The following GPD2 variants were observed in gnomAD, a reference collection of about 807,000 sequenced individuals.
GPD2 encodes glycerol-3-phosphate dehydrogenase, mitochondrial.
GPD2 carries 54 observed loss-of-function variants against 82.4 expected under a neutral mutation model. The observed-to-expected ratio is 0.66, with a 90% CI of 0.53 to 0.82. The LOEUF is 0.82. GPD2 is among the 40% of genes least tolerant of loss of function. The pLI, the probability that GPD2 is intolerant of heterozygous loss-of-function variation, is 0.00. For missense variants in GPD2, 748 were observed against 896.2 expected, an observed-to-expected ratio of 0.83 and a Z score of 2.11; for synonymous variants, 288 against 306.1, an observed-to-expected ratio of 0.94 and a Z score of 0.62.
chr2:156,473,985 T>C (rs1246252527), intron 1 of GPD2, among the ~76,000 whole-genome samples: 2 of 152,110 alleles, frequency 1.3e-5, no homozygotes, highest in African/African-American at 2.4e-5. Context: ...AGAAGAGACC[T>C]CCAGCAGCAG....
intron 6 of GPD2, among the ~76,000 whole-genome samples, chr2:156,527,758 G>T (rs955850974): frequency 3.3e-5 from 5 of 152,188 alleles, no homozygotes; most frequent in African/African-American, 1.2e-4. Flanking sequence ...TGATTAACAT[G>T]TAACTGATTT....
intron 9 of GPD2, among the ~76,000 whole-genome samples, chr2:156,563,468 G>A (rs906198582): frequency 6.6e-6 from 1 of 152,110 alleles, no homozygotes; most frequent in Non-Finnish European, 1.5e-5. Flanking sequence ...GTGGGTGATG[G>A]TCATTTATTA....
intron 13 of GPD2, among the ~76,000 whole-genome samples, chr2:156,576,549 T>C (rs7589387): frequency 0.13 from 20,026 of 151,808 alleles, 1,391 homozygotes; most frequent in African/African-American, 0.16. Context: ...TTCAAGGAGG[T>C]AGATTTAATC....
At chr2:156,503,885 C>G (rs1252200998) in intron 3 of GPD2, among the ~76,000 whole-genome samples, 2 of 152,040 alleles carry the variant, frequency 1.3e-5, no homozygotes, top group Non-Finnish European at 2.9e-5. Context: ...TATTCTTCCT[C>G]TCTTTGAACA....
chr2:156,545,677 A>G (rs1416415690), intron 6 of GPD2, among the ~76,000 whole-genome samples: 1 of 152,260 alleles, frequency 6.6e-6, no homozygotes, highest in Non-Finnish European at 1.5e-5. Flanking sequence ...ACTGACATAA[A>G]TAAGAGTTTT....
chr2:156,492,093 A>G (rs554294977), intron 2 of GPD2, among the ~76,000 whole-genome samples: 9 of 150,132 alleles, frequency 6.0e-5, no homozygotes, highest in Admixed American at 1.3e-4. Context: ...TAAGCAGTGT[A>G]AGAGAGTTTC....
rs1051916 is a variant in GPD2, at chr2:156,570,184, G to A, written c.1574G>A (p.Arg525His). ...AAAAGGTGGCCTATTGTTGGAGTAC[G>A]TCTTGTGTCAGAATTTCCATATATT... ...TGKRWPIVGV[R>H]LVSEFPYIEA... Residue 525 changes from arginine (R) to histidine (H), a missense_variant, in exon 12 of 17, where the codon CGT becomes CAT. Arg to His is a conservative substitution (Grantham distance 29, BLOSUM62 0). This residue lies in a region of GPD2 where 692 missense variants were observed against 809.7 expected (regional missense o/e 0.85). Coordinates refer to ENST00000438166, the MANE Select transcript of GPD2 (RefSeq NM_000408.5). 6 of 1,613,012 alleles carry A rather than the reference G, an allele frequency of 3.7e-6. No individual in the cohort carries two copies. The highest frequency in any genetic ancestry group is 1.1e-5 in the South Asian group (1 of 91,060).
intron 6 of GPD2, among the ~76,000 whole-genome samples, chr2:156,541,564 G>A (rs1475304623): frequency 3.9e-5 from 6 of 152,134 alleles, no homozygotes; most frequent in Non-Finnish European, 8.8e-5. Context: ...GGCTTAAGAT[G>A]CCATGCAATT....
At chr2:156,579,222 TG>T (rs1164341989) in intron 15 of GPD2, 58 bp downstream of exon 15, 4 of 990,672 alleles carry the variant, frequency 4.0e-6, no homozygotes, top group South Asian at 1.3e-5. Flanking sequence ...AAATATTAGA[TG>T]TTTTTCTCAT....
chr2:156,506,097 C>G (rs1573940673), intron 3 of GPD2, among the ~76,000 whole-genome samples: 1 of 152,306 alleles, frequency 6.6e-6, no homozygotes, highest in South Asian at 2.1e-4. Context: ...TTCCTCCTTT[C>G]TACTTCTCAT....
At chr2:156,573,920 C>T (rs6732175) in intron 13 of GPD2, among the ~76,000 whole-genome samples, 149,760 of 152,282 alleles carry the variant, frequency 0.98, 73,694 homozygotes, top group Middle Eastern at 1. Flanking sequence ...CGTAGATGAA[C>T]TGTGCTTGTT....
intron 2 of GPD2, among the ~76,000 whole-genome samples, chr2:156,493,110 T>G (rs1326699687): frequency 6.6e-6 from 1 of 152,150 alleles, no homozygotes; most frequent in East Asian, 1.9e-4. Flanking sequence ...GTGAATTGGA[T>G]AGACCTAAGA....
At chr2:156,579,646 A>G in intron 15 of GPD2, 44 bp from the exon 16 acceptor site, 2 of 996,638 alleles carry the variant, frequency 2.0e-6, no homozygotes, top group Non-Finnish European at 3.2e-6. Context: ...CATATGCATA[A>G]TTTTTAATCA....
At chr2:156,496,911 C>A (rs915801150) in intron 3 of GPD2, among the ~76,000 whole-genome samples, 5 of 151,754 alleles carry the variant, frequency 3.3e-5, no homozygotes, top group East Asian at 1.9e-4. Context: ...TTAGTTCATG[C>A]GAATAAATAA....
At chr2:156,493,769 C>G (rs1044570677) in intron 2 of GPD2, among the ~76,000 whole-genome samples, 1 of 152,116 alleles carries the variant, frequency 6.6e-6, no homozygotes, top group African/African-American at 2.4e-5. Context: ...GGTTTAGTCA[C>G]TTGTCAGTCT....
chr2:156,568,401 T>C (rs1687468748), intron 9 of GPD2, among the ~76,000 whole-genome samples: 1 of 152,106 alleles, frequency 6.6e-6, no homozygotes, highest in Admixed American at 6.6e-5. Flanking sequence ...TTAATAAGGA[T>C]CTTTGTCTTC....
rs1686680801 is a variant in GPD2 at position 156,549,690 on chromosome 2, G to A, written c.744G>A (p.Glu248=). The A allele has an allele frequency of 1.2e-6, 2 of 1,613,914 alleles. No individual in the cohort carries two copies. Among genetic ancestry groups the A allele is most frequent in the Non-Finnish European group, 1.7e-6 (2 of 1,179,744 alleles). Residue 248 remains glutamate, a synonymous_variant, in exon 7 of 17, where the codon GAG becomes GAA. Transcript: ENST00000438166. ...RYGAATANYM[E]VVSLLKKTDP... The stretch of plus-strand genomic sequence containing the variant: ...GGGCTGCCACAGCCAATTACATGGA[G>A]GTAGTGAGCTTGCTCAAGAAGACAG...
intron 13 of GPD2, 58 bp from the exon 14 acceptor site, chr2:156,578,831 G>A: frequency 1.0e-6 from 1 of 985,290 alleles, no homozygotes; most frequent in South Asian, 1.3e-5. Context: ...GTAAAAAAAG[G>A]AGGAAAAAAA....
intron 6 of GPD2, among the ~76,000 whole-genome samples, chr2:156,517,048 A>C (rs1244905385): frequency 2.6e-5 from 4 of 152,252 alleles, no homozygotes; most frequent in African/African-American, 9.6e-5. Context: ...TGGCTATTGC[A>C]TATGATGAAG....
Sources: allele counts gnomAD v4.1 joint callset (sites outside exome capture counted in the v4.1 genomes callset), GRCh38; gene constraint gnomAD v4.1.1; regional missense constraint gnomAD v4.1.1; transcripts MANE v1.5; gene names NCBI Gene and HGNC (gene_info 2026-07-23, HGNC 2026-07-21).